The following NSMCE2 variants were observed in gnomAD, a reference collection of about 807,000 sequenced individuals.
The protein encoded by NSMCE2 is E3 SUMO-protein ligase NSE2.
In NSMCE2, 24 loss-of-function variants were observed where a neutral mutation model predicts 23.8. That is an observed-to-expected ratio of 1.01 (90% CI 0.73 to 1.42). The LOEUF (loss-of-function observed/expected upper bound fraction) is 1.42. NSMCE2 is among the 40% of genes most tolerant of loss of function. The pLI is 0.00. For synonymous variants in NSMCE2, 92 were observed against 94.1 expected (o/e 0.98, Z 0.13); for missense variants, 284 against 296.5 (o/e 0.96, Z 0.31).
chr8:125,351,078 G>A (rs1031671527), intron 5 of NSMCE2, among the ~76,000 whole-genome samples: 2 of 152,166 alleles, frequency 1.3e-5, no homozygotes, highest in Admixed American at 6.5e-5. Flanking sequence ...GAAGAAAAGG[G>A]AATAACCAAG....
At chr8:125,229,765 GTTGA>G (rs1267351715) in intron 5 of NSMCE2, among the ~76,000 whole-genome samples, 2 of 152,088 alleles carry the variant, frequency 1.3e-5, no homozygotes, top group African/African-American at 4.8e-5. Context: ...CATATCTTTA[GTTGA>G]TTGTTTTAGT....
At chr8:125,349,010 AACACAC>A (rs35429077) in intron 5 of NSMCE2, 15,030 of 129,280 alleles carry the variant, frequency 0.12, 1,017 homozygotes, top group African/African-American at 0.2. Context: ...CTCAAAGCAA[AACACAC>A]ACACACACAC....
intron 3 of NSMCE2, among the ~76,000 whole-genome samples, chr8:125,120,396 G>A (rs937281021): frequency 1.3e-5 from 2 of 152,156 alleles, no homozygotes; most frequent in Non-Finnish European, 2.9e-5. Context: ...TCTACCCTAG[G>A]TGTGATTGGT....
At chr8:125,161,046 G>A (rs1433417057) in intron 4 of NSMCE2, among the ~76,000 whole-genome samples, 1 of 152,174 alleles carries the variant, frequency 6.6e-6, no homozygotes, top group African/African-American at 2.4e-5. Flanking sequence ...GAGAGTATGT[G>A]AATGGATTTT....
At chr8:125,339,799 C>T (rs1332304307) in intron 5 of NSMCE2, among the ~76,000 whole-genome samples, 1 of 152,050 alleles carries the variant, frequency 6.6e-6, no homozygotes, top group East Asian at 1.9e-4. Flanking sequence ...CTCCTGGTGC[C>T]CGTCACACTA....
chr8:125,176,346 C>T (rs536328048), intron 4 of NSMCE2, among the ~76,000 whole-genome samples: 1 of 152,276 alleles, frequency 6.6e-6, no homozygotes, highest in Non-Finnish European at 1.5e-5. Context: ...GAAATTCCTT[C>T]CTAAACTTTG....
intron 3 of NSMCE2, among the ~76,000 whole-genome samples, chr8:125,138,079 C>T (rs1820162074): frequency 6.6e-6 from 1 of 152,102 alleles, no homozygotes; most frequent in Admixed American, 6.5e-5. Context: ...TTTTTACCTC[C>T]TGAATGAAAT....
At chr8:125,138,541 T>C (rs1283804316) in intron 3 of NSMCE2, among the ~76,000 whole-genome samples, 11 of 152,126 alleles carry the variant, frequency 7.2e-5, no homozygotes, top group Non-Finnish European at 1.5e-4. Context: ...TTTTGTTGTT[T>C]TTTTAATTGA....
intron 3 of NSMCE2, among the ~76,000 whole-genome samples, chr8:125,116,866 T>C (rs893659135): frequency 2.0e-5 from 3 of 152,116 alleles, no homozygotes; most frequent in Non-Finnish European, 4.4e-5. Context: ...TGATCCAGTT[T>C]TTTTACTTAA....
At chr8:125,266,837 T>C (rs1339783439) in intron 5 of NSMCE2, among the ~76,000 whole-genome samples, 1 of 152,068 alleles carries the variant, frequency 6.6e-6, no homozygotes, top group African/African-American at 2.4e-5. Context: ...GACCTTCAAA[T>C]TGTACTCCAG....
chr8:125,100,813 A>G (rs1818151889), intron 1 of NSMCE2, among the ~76,000 whole-genome samples: 1 of 152,152 alleles, frequency 6.6e-6, no homozygotes, highest in Non-Finnish European at 1.5e-5. Context: ...CTCCTGCTTC[A>G]GCCTCCCAAA....
At chr8:125,098,210 A>G (rs1818026121) in intron 1 of NSMCE2, among the ~76,000 whole-genome samples, 1 of 152,168 alleles carries the variant, frequency 6.6e-6, no homozygotes, top group Non-Finnish European at 1.5e-5. Flanking sequence ...CCATCAGATG[A>G]TTCAATACAC....
chr8:125,324,573 T>A, intron 5 of NSMCE2, among the ~76,000 whole-genome samples: 1 of 48,460 alleles, frequency 2.1e-5, no homozygotes, highest in Non-Finnish European at 4.4e-5. Flanking sequence ...GATAAAATTC[T>A]TTTTTTTTTT....
chr8:125,306,822 G>A (rs1396540594), intron 5 of NSMCE2, among the ~76,000 whole-genome samples: 2 of 152,050 alleles, frequency 1.3e-5, no homozygotes, highest in Admixed American at 1.3e-4. Context: ...TGTGACCTTG[G>A]GCAAAATACT....
intron 3 of NSMCE2, among the ~76,000 whole-genome samples, chr8:125,107,915 T>C (rs1231817628): frequency 6.6e-6 from 1 of 151,828 alleles, no homozygotes; most frequent in East Asian, 1.9e-4. Flanking sequence ...ACACCTGTAG[T>C]CCCAGCTACT....
intron 5 of NSMCE2, among the ~76,000 whole-genome samples, chr8:125,288,045 C>T (rs949368435): frequency 1.3e-5 from 2 of 152,154 alleles, no homozygotes; most frequent in Non-Finnish European, 1.5e-5. Flanking sequence ...GGGCTCTTCA[C>T]GAACTTCTGG....
At chr8:125,360,680 G>A (rs1368686748) in intron 7 of NSMCE2, among the ~76,000 whole-genome samples, 1 of 152,188 alleles carries the variant, frequency 6.6e-6, no homozygotes, top group African/African-American at 2.4e-5. Context: ...AGAACTCAGG[G>A]CCTTCTTGAA....
chr8:125,199,822 T>C (rs181672291), intron 5 of NSMCE2, among the ~76,000 whole-genome samples: 1 of 152,340 alleles, frequency 6.6e-6, no homozygotes, highest in Admixed American at 6.5e-5. Context: ...AGTCTCTTTG[T>C]AGATCTCTAA....
At chr8:125,110,431 T>C (rs1174740456) in intron 3 of NSMCE2, among the ~76,000 whole-genome samples, 1 of 152,200 alleles carries the variant, frequency 6.6e-6, no homozygotes, top group Non-Finnish European at 1.5e-5. Context: ...TGCTAAAGTA[T>C]GGTGATGATG....
Sources: allele counts gnomAD v4.1 joint callset (sites outside exome capture counted in the v4.1 genomes callset), GRCh38; gene constraint gnomAD v4.1.1; transcripts MANE v1.5; gene names NCBI Gene and HGNC (gene_info 2026-07-23, HGNC 2026-07-21).